MROH2A: variants seen among roughly 807,000 people sequenced by gnomAD.
The protein encoded by MROH2A is maestro heat like repeat family member 2A.
MROH2A carries 174 observed loss-of-function variants against 200.4 expected under a neutral mutation model. The ratio of observed to expected loss-of-function variants is 0.87; its 90% confidence interval spans 0.77 to 0.98. The LOEUF (loss-of-function observed/expected upper bound fraction) is 0.98, where lower values mean the gene tolerates loss of function less well. MROH2A is among the 50% of genes least tolerant of loss of function. The probability of loss-of-function intolerance (pLI) is 0.00; values close to 1 mark genes in which losing one functional copy is unlikely to be tolerated. For synonymous variants in MROH2A, 829 were observed against 840.4 expected (o/e 0.99, Z 0.23); for missense variants, 2,045 against 2,139.6 (o/e 0.96, Z 0.87).
intron 11 of MROH2A, among the ~76,000 whole-genome samples, chr2:233,797,314 T>C (rs750399470): frequency 1.3e-5 from 2 of 152,232 alleles, no homozygotes; most frequent in Non-Finnish European, 2.9e-5. Context: ...TTGTCAACCA[T>C]CCAAAGGACA....
chr2:233,803,549 C>T (rs972353174), intron 16 of MROH2A, 61 bp downstream of exon 16: 47 of 1,522,012 alleles, frequency 3.1e-5, no homozygotes, highest in Non-Finnish European at 4.0e-5. Context: ...GGCACCTCTT[C>T]TTTAAACTCC....
In MROH2A at chr2:233,811,918, T is replaced by A; in HGVS notation, c.2610T>A (p.Ser870=). 6.4e-7 allele frequency: 1 copy of A among 1,550,424 alleles called. No individual in the cohort carries two copies. Among genetic ancestry groups the A allele is most frequent in the Non-Finnish European group, 8.7e-7 (1 of 1,146,934 alleles). The part of the protein sequence containing the change: ...IKAEPTDNLV[S]PVRALAMEAL... ...CAGAACCGACTGACAACCTGGTTTC[T>A]CCAGTGCGAGCCTTGGCGATGGAGG... Residue 870 remains serine, a synonymous_variant, in exon 24 of 42, where the codon TCT becomes TCA. Transcript: ENST00000389758.
In MROH2A at chr2:233,809,146, G is replaced by A. The variant is rs1158045448; in HGVS notation, c.2316G>A (p.Arg772=). The change falls in exon 22 of 42, where the codon CGG becomes CGA. Residue 772 remains arginine, a synonymous_variant. Coordinates refer to ENST00000389758, the MANE Select transcript of MROH2A (RefSeq NM_001394639.1). Reference sequence around the variant, plus strand: ...CGTAGAAGGACCATCCCTGGAGGCGGGAGACAGTGAAAAGTGCCCTCATGG... The same window carrying A: ...CGTAGAAGGACCATCCCTGGAGGCGAGAGACAGTGAAAAGTGCCCTCATGG... ...SAWRKDHPWR[R]ETVKSALMVM... is the part of the protein sequence containing the mutation. The A allele has an allele frequency of 1.9e-6, 3 of 1,550,076 alleles. No individual in the cohort carries two copies. The highest frequency in any genetic ancestry group is 2.6e-6 in the Non-Finnish European group (3 of 1,146,584).
chr2:233,784,090 G>A (rs1217305235), intron 3 of MROH2A, among the ~76,000 whole-genome samples: 1 of 151,860 alleles, frequency 6.6e-6, no homozygotes, highest in Admixed American at 6.6e-5. Flanking sequence ...TTTGGGTTGG[G>A]TATATTCTTG....
chr2:233,787,819 A>ACATATATATTATATATT (rs368046529), intron 3 of MROH2A, among the ~76,000 whole-genome samples: 1 of 1,670 alleles, frequency 6.0e-4, no homozygotes, highest in African/African-American at 3.3e-3. Flanking sequence ...TATTATATAT[A>ACATATATATTATATATT]ATATATATTA....
In MROH2A at chr2:233,779,872, TG is replaced by T; in HGVS notation, c.276+23del. ...CCAGAGGTAGGGCCATCTTACCCACTGGGCTCAGCCACCTTTAGCTCTGTGT... is the reference window on the plus strand; with the variant it reads ...CCAGAGGTAGGGCCATCTTACCCACTGGCTCAGCCACCTTTAGCTCTGTGT... On this transcript the variant is annotated intron_variant, in intron 3 of 41. Coordinates refer to ENST00000389758, the MANE Select transcript of MROH2A (RefSeq NM_001394639.1). The T allele has an allele frequency of 1.9e-6, 3 of 1,544,262 alleles. No homozygotes were observed. The highest frequency in any genetic ancestry group is 2.0e-5 in the Admixed American group (1 of 50,832).
At chr2:233,832,466 C>T (rs1704830377) in intron 40 of MROH2A, 113 bp from the exon 41 acceptor site, 1 of 1,034,540 alleles carries the variant, frequency 9.7e-7, no homozygotes, top group Non-Finnish European at 1.5e-6. Flanking sequence ...CCAACGTGGG[C>T]TCAACAAAAT....
intron 3 of MROH2A, 91 bp from the exon 4 acceptor site, chr2:233,789,406 G>T: frequency 2.5e-6 from 3 of 1,221,516 alleles, no homozygotes; most frequent in Non-Finnish European, 3.1e-6. Flanking sequence ...CTGGTGGTTT[G>T]GGTGTAGGGA....
chr2:233,788,639 C>G (rs1701521021), intron 3 of MROH2A, among the ~76,000 whole-genome samples: 1 of 151,976 alleles, frequency 6.6e-6, no homozygotes, highest in Admixed American at 6.6e-5. Context: ...ACCCTCATTC[C>G]TTAAGAGTGG....
At chr2:233,792,294 G>T (rs982908166) in intron 5 of MROH2A, among the ~76,000 whole-genome samples, 3 of 149,516 alleles carry the variant, frequency 2.0e-5, no homozygotes, top group Non-Finnish European at 4.4e-5. Flanking sequence ...CTTTCTTCCT[G>T]TGTCACCTGC....
At chr2:233,790,855 G>A (rs1395687098) in intron 5 of MROH2A, among the ~76,000 whole-genome samples, 5 of 152,150 alleles carry the variant, frequency 3.3e-5, no homozygotes, top group Non-Finnish European at 7.3e-5. Context: ...GGAAATAGAC[G>A]TTTATAACAG....
In MROH2A at chr2:233,828,741, C is replaced by A; in HGVS notation, c.4225C>A (p.Arg1409Ser). The change falls in exon 36 of 42, where the codon CGC becomes AGC. Residue 1409 changes from arginine to serine, a missense_variant. By Grantham distance (110) the Arg-to-Ser change is moderately radical. Around this residue, in one of 3 missense-constraint regions of MROH2A, gnomAD observed 1,201 missense variants for 1,311.3 expected, o/e 0.92. Coordinates refer to ENST00000389758, the MANE Select transcript of MROH2A (RefSeq NM_001394639.1). The surrounding 1 kb of genome is among the most constrained non-coding windows in gnomAD (Gnocchi z 4.6). The part of the protein sequence containing the change: ...EDEALRVLSL[R>S]ALGNMALGAP... ...CGAGGCCCTGCGGGTGCTGTCCCTG[C>A]GCGCCCTCGGCAACATGGCCCTGGG... 7.7e-6 allele frequency: 12 copies of A among 1,550,496 alleles called. No individual in the cohort carries two copies. Among genetic ancestry groups the A allele is most frequent in the Non-Finnish European group, 1.0e-5 (12 of 1,146,918 alleles).
In MROH2A at chr2:233,794,657, C is replaced by T. The variant is rs117718306; in HGVS notation, c.966+151C>T. 3.2e-3 allele frequency among the ~76,000 whole-genome samples: 490 copies of T among 152,222 alleles called. 7 individuals carry two copies. In the East Asian group the frequency reaches 0.037, roughly 11 times the overall value. The stretch of plus-strand genomic sequence containing the variant: ...ACATCTGTGCCCTGCGAGGGAGGGG[C>T]GTGGAGCCTGGCACCCGTGGGACTC... On this transcript the variant is annotated intron_variant, in intron 8 of 41. Transcript: ENST00000389758.
rs1286569714 is a variant in MROH2A at position 233,828,743 on chromosome 2, C to T, written c.4227C>T (p.Arg1409=). 28 of 1,550,392 alleles carry T rather than the reference C, an allele frequency of 1.8e-5. No homozygotes were observed. Among genetic ancestry groups the T allele is most frequent in the Admixed American group, 1.4e-4 (7 of 50,974 alleles). ...EDEALRVLSL[R]ALGNMALGAP... Reference sequence around the variant, plus strand: ...AGGCCCTGCGGGTGCTGTCCCTGCGCGCCCTCGGCAACATGGCCCTGGGCG... The same window carrying T: ...AGGCCCTGCGGGTGCTGTCCCTGCGTGCCCTCGGCAACATGGCCCTGGGCG... The change falls in exon 36 of 42, where the codon CGC becomes CGT. Residue 1409 remains arginine, a synonymous_variant. Coordinates refer to ENST00000389758, the MANE Select transcript of MROH2A (RefSeq NM_001394639.1). This position sits in a 1 kb window ranked among gnomAD's most constrained non-coding sequence, Gnocchi z 4.6.
rs1182039503 is a variant in MROH2A at position 233,820,989 on chromosome 2, C to A, written c.3512+933C>A. Among the ~76,000 whole-genome samples the A allele has an allele frequency of 6.6e-6, 1 of 152,156 alleles. No individual in the cohort carries two copies. Among genetic ancestry groups the A allele is most frequent in the Non-Finnish European group, 1.5e-5 (1 of 68,022 alleles). Reference sequence around the variant, plus strand: ...GGGGTAAGGGGGATGTGCGGTGCAGCCCTGGGTCAGGCTGGCGTACTTGGT... The same window carrying A: ...GGGGTAAGGGGGATGTGCGGTGCAGACCTGGGTCAGGCTGGCGTACTTGGT... On this transcript the variant is annotated intron_variant, in intron 31 of 41. Transcript: ENST00000389758. This position sits in a 1 kb window ranked among gnomAD's most constrained non-coding sequence, Gnocchi z 4.1.
chr2:233,793,861 C>T, intron 7 of MROH2A, 37 bp downstream of exon 7: 1 of 1,362,920 alleles, frequency 7.3e-7, no homozygotes, highest in Non-Finnish European at 9.5e-7. Context: ...CTGGTGGTCC[C>T]CAGGCCACAG....
At chr2:233,823,472 C>A in intron 34 of MROH2A, 84 bp from the exon 35 acceptor site, 1 of 1,473,030 alleles carries the variant, frequency 6.8e-7, no homozygotes, top group Non-Finnish European at 9.1e-7. Context: ...GGTCCAGGCA[C>A]CGATGTGGCC....
At chr2:233,804,329 C>T (rs1402952188) in intron 17 of MROH2A, 137 bp downstream of exon 17, 2 of 1,395,946 alleles carry the variant, frequency 1.4e-6, no homozygotes, top group South Asian at 1.4e-5. Flanking sequence ...GTCCTGAGAA[C>T]TGGTTGAGCA....
intron 22 of MROH2A, among the ~76,000 whole-genome samples, chr2:233,809,698 A>T (rs956632607): frequency 1.3e-5 from 2 of 152,204 alleles, no homozygotes; most frequent in African/African-American, 4.8e-5. Flanking sequence ...AAACACAGAG[A>T]ATAAAGCAAA....
Sources: gnomAD v4.1 joint callset for allele counts (sites outside exome capture counted in the v4.1 genomes callset) on GRCh38, gnomAD v4.1.1 for gene constraint, gnomAD v4.1.1 regional missense constraint, Gnocchi (gnomAD v3.1) non-coding constraint, MANE v1.5 for transcripts, NCBI Gene and HGNC (gene_info 2026-07-23, HGNC 2026-07-21) for gene names.